ARHGAP12: variants seen among roughly 807,000 people sequenced by gnomAD.
The protein encoded by ARHGAP12 is Rho GTPase activating protein 12.
Under a neutral mutation model 108.6 loss-of-function variants are expected in ARHGAP12, and 64 were observed. That is an observed-to-expected ratio of 0.59 (90% CI 0.48 to 0.73). ARHGAP12 has a LOEUF of 0.73. Among genes scored for constraint, ARHGAP12 ranks in the 30% least tolerant of loss-of-function variants. The pLI, the probability that ARHGAP12 is intolerant of heterozygous loss-of-function variation, is 0.00. For missense variants in ARHGAP12, 940 were observed against 1,005.9 expected (o/e 0.93, Z 0.89); for synonymous variants, 312 against 337.2 (o/e 0.93, Z 0.82).
intron 3 of ARHGAP12, 131 bp downstream of exon 3, chr10:31,908,041 G>A: frequency 1.2e-6 from 1 of 840,310 alleles, no homozygotes; most frequent in South Asian, 2.2e-5. Context: ...CTCTAAATCA[G>A]GATAGAACCC....
chr10:31,907,719 C>T (rs1308201000), intron 3 of ARHGAP12, among the ~76,000 whole-genome samples: 1 of 151,614 alleles, frequency 6.6e-6, no homozygotes, highest in Non-Finnish European at 1.5e-5. Flanking sequence ...TACTTAGACA[C>T]TTAAGACAAA....
intron 1 of ARHGAP12, among the ~76,000 whole-genome samples, chr10:31,923,936 C>T (rs1839925086): frequency 6.6e-6 from 1 of 152,158 alleles, no homozygotes. Flanking sequence ...GCTTGTTATA[C>T]AGCAATTATA....
rs764775483 is a variant in ARHGAP12, at chr10:31,839,343, T to C, written c.1372-24A>G. The C allele has an allele frequency of 4.4e-6, 7 of 1,604,422 alleles. No homozygotes were observed. The South Asian group carries it at 4.5e-5, about 10-fold the overall frequency. ...GCCTGAGGAAAAAAAGAGTAAAGTA[T>C]AATGTCATAGTATTGTCTGGGAATT... On this transcript the variant is annotated intron_variant, in intron 8 of 19. Coordinates refer to ENST00000344936, the MANE Select transcript of ARHGAP12 (RefSeq NM_018287.7).
intron 3 of ARHGAP12, among the ~76,000 whole-genome samples, chr10:31,892,254 A>G (rs1038837836): frequency 6.6e-6 from 1 of 152,346 alleles, no homozygotes; most frequent in South Asian, 2.1e-4. Flanking sequence ...AAATTCACAC[A>G]TAACAATATT....
intron 3 of ARHGAP12, among the ~76,000 whole-genome samples, chr10:31,890,513 C>G (rs1344265555): frequency 6.6e-6 from 1 of 152,116 alleles, no homozygotes; most frequent in Non-Finnish European, 1.5e-5. Context: ...TAGACATGCT[C>G]TAAGCAATAA....
intron 15 of ARHGAP12, 79 bp downstream of exon 15, chr10:31,812,628 T>C: frequency 1.1e-6 from 1 of 878,962 alleles, no homozygotes. Context: ...TGTTTGAAAA[T>C]GTTTGTTTTT....
At chr10:31,928,174 G>GCA (rs60633813) in intron 1 of ARHGAP12, among the ~76,000 whole-genome samples, 10,526 of 149,310 alleles carry the variant, frequency 0.07, 1,004 homozygotes, top group African/African-American at 0.21. Flanking sequence ...GGCCTTTTGC[G>GCA]CACACACACA....
intron 10 of ARHGAP12, 41 bp from the exon 11 acceptor site, chr10:31,826,426 GTTCT>G (rs1835611425): frequency 6.4e-7 from 1 of 1,551,086 alleles, no homozygotes; most frequent in Non-Finnish European, 8.8e-7. Flanking sequence ...CCAATCTCGA[GTTCT>G]TTCAGCCAAA....
At position 31,807,224 on chromosome 10, in the gene ARHGAP12, T is replaced by C. The variant is rs1461485692; in HGVS notation, c.*434A>G. ...TACACAGGTTTCAAAATGGATATAC[T>C]TCATTTTGTTTAAAATGCCCAAGAG... is the stretch of plus-strand genomic sequence containing the variant. On this transcript the variant is annotated 3_prime_UTR_variant, in exon 20 of 20. Transcript: ENST00000344936. The C allele has an allele frequency of 6.5e-6, 1 of 153,288 alleles. No homozygotes were observed. Among genetic ancestry groups the C allele is most frequent in the Non-Finnish European group, 1.5e-5 (1 of 68,514 alleles). The allele number at this position is 153,288 out of a possible 1,614,324, so 9.5% of individuals were successfully genotyped here.
chr10:31,886,462 A>AT (rs910522092), intron 3 of ARHGAP12, among the ~76,000 whole-genome samples: 9 of 151,656 alleles, frequency 5.9e-5, no homozygotes, highest in Admixed American at 4.6e-4. Flanking sequence ...AACACCTAAG[A>AT]TTTTTTTTTA....
intron 14 of ARHGAP12, 150 bp downstream of exon 14, chr10:31,814,109 C>A (rs1041485282): frequency 1.6e-6 from 1 of 632,958 alleles, no homozygotes; most frequent in Non-Finnish European, 2.8e-6. Context: ...GAAGAAAGAG[C>A]GCTGACACAC....
At chr10:31,896,311 A>G (rs1412766107) in intron 3 of ARHGAP12, among the ~76,000 whole-genome samples, 2 of 150,164 alleles carry the variant, frequency 1.3e-5, no homozygotes, top group Admixed American at 6.6e-5. Context: ...TTACTTTGAA[A>G]AAAAAAAAAA....
intron 9 of ARHGAP12, among the ~76,000 whole-genome samples, chr10:31,833,086 T>A (rs138704056): frequency 0.013 from 1,934 of 151,894 alleles, 25 homozygotes; most frequent in Middle Eastern, 0.024. Context: ...AACCTTCATG[T>A]TGAGGGCTGA....
chr10:31,872,803 T>A (rs923473721), intron 3 of ARHGAP12, among the ~76,000 whole-genome samples: 26 of 152,294 alleles, frequency 1.7e-4, no homozygotes, highest in Admixed American at 3.9e-4. Flanking sequence ...CCAGTCCCAA[T>A]CTTTTCTGCC....
At chr10:31,845,689 G>A (rs1018992766) in intron 6 of ARHGAP12, among the ~76,000 whole-genome samples, 9 of 152,022 alleles carry the variant, frequency 5.9e-5, no homozygotes, top group Admixed American at 1.3e-4. Context: ...AAAGGCTGAG[G>A]CACAAGAATA....
intron 3 of ARHGAP12, among the ~76,000 whole-genome samples, chr10:31,869,156 CA>C (rs1564401076): frequency 5.3e-5 from 8 of 152,134 alleles, no homozygotes. Context: ...ATATATGAGT[CA>C]AATAAAAATC....
At chr10:31,880,403 G>GT (rs897856509) in intron 3 of ARHGAP12, among the ~76,000 whole-genome samples, 1 of 152,044 alleles carries the variant, frequency 6.6e-6, no homozygotes, top group Non-Finnish European at 1.5e-5. Context: ...GAGCCCAGGA[G>GT]TTTGAGACCA....
At chr10:31,810,266 T>C (rs1200059559) in intron 16 of ARHGAP12, among the ~76,000 whole-genome samples, 3 of 152,166 alleles carry the variant, frequency 2.0e-5, no homozygotes, top group African/African-American at 7.2e-5. Context: ...CATCTGATTT[T>C]TAGGACAGAA....
chr10:31,836,533 G>T (rs1310940019), intron 9 of ARHGAP12, among the ~76,000 whole-genome samples: 2 of 152,100 alleles, frequency 1.3e-5, no homozygotes, highest in Non-Finnish European at 2.9e-5. Context: ...TTTTAAATCT[G>T]GTGTGATTAA....
Sources: gnomAD v4.1 joint callset for allele counts (sites outside exome capture counted in the v4.1 genomes callset) on GRCh38, gnomAD v4.1.1 for gene constraint, MANE v1.5 for transcripts, NCBI Gene and HGNC (gene_info 2026-07-23, HGNC 2026-07-21) for gene names.